Variants in PLAC1 observed in about 807,000 individuals in gnomAD.
PLAC1 encodes placenta-specific protein 1.
For missense variants in PLAC1, 136 were observed against 163.2 expected (o/e 0.83, Z 0.91); for synonymous variants, 68 against 62.1 (o/e 1.09, Z -0.44).
chrX:134,649,556 C>T (rs761225348), intron 1 of PLAC1, among the ~76,000 whole-genome samples: 4 of 111,085 alleles, frequency 3.6e-5, no homozygotes, highest in African/African-American at 1.3e-4. Context: ...GAGGCCAGCA[C>T]GCCACTGACT....
chrX:134,657,564 G>GT (rs754197875), intron 1 of PLAC1, among the ~76,000 whole-genome samples: 5 of 112,226 alleles, frequency 4.5e-5, no homozygotes, highest in Non-Finnish European at 9.4e-5. Flanking sequence ...AGAAGGACAA[G>GT]TTATTAGAGC....
intron 1 of PLAC1, among the ~76,000 whole-genome samples, chrX:134,750,802 C>CAAA (rs748923622): frequency 0.011 from 108 of 9,969 alleles, 26 homozygotes; most frequent in African/African-American, 0.062. Context: ...AATAAAAATA[C>CAAA]AAAAAAAAAA....
At chrX:134,571,653 C>A (rs1003660067) in intron 2 of PLAC1, among the ~76,000 whole-genome samples, 1 of 111,361 alleles carries the variant, frequency 9.0e-6, no homozygotes, top group Non-Finnish European at 1.9e-5. Flanking sequence ...CTCAGGACCC[C>A]AAAAAAATCC....
intron 2 of PLAC1, among the ~76,000 whole-genome samples, chrX:134,717,122 T>G (rs2147836572): frequency 8.9e-6 from 1 of 111,949 alleles, no homozygotes; most frequent in African/African-American, 3.2e-5. Context: ...TCTAAGGCCT[T>G]CTATGGGTAA....
chrX:134,647,465 A>C (rs1478545864), intron 1 of PLAC1, among the ~76,000 whole-genome samples: 1 of 104,411 alleles, frequency 9.6e-6, no homozygotes, highest in East Asian at 3.0e-4. Flanking sequence ...AGGGGTCCCG[A>C]GTGTCCCCCA....
chrX:134,613,234 A>G (rs2124400044), intron 1 of PLAC1, among the ~76,000 whole-genome samples: 1 of 111,423 alleles, frequency 9.0e-6, no homozygotes, highest in East Asian at 2.8e-4. Flanking sequence ...ACCCCTTTGC[A>G]GATTTCCCTT....
chrX:134,655,799 C>T lies in PLAC1; in HGVS notation c.-131+2529G>A, dbSNP rs373648040. 9.8e-5 allele frequency among the ~76,000 whole-genome samples: 11 copies of T among 112,111 alleles called. No homozygotes were observed. In the South Asian group the frequency reaches 4.1e-3, roughly 41 times the overall value. The stretch of plus-strand genomic sequence containing the variant: ...TAATAGCAATAATAATAAAAGAAAC[C>T]AGGCTCTGTTTTATATAAACAGCAA... On this transcript the variant is annotated intron_variant, in intron 1 of 2. Transcript: ENST00000359237.
At chrX:134,584,722 T>C (rs2124366141) in intron 2 of PLAC1, among the ~76,000 whole-genome samples, 1 of 111,882 alleles carries the variant, frequency 8.9e-6, no homozygotes, top group South Asian at 3.9e-4. Context: ...TGGCTTTTCC[T>C]GGGTGTTAAA....
intron 1 of PLAC1, among the ~76,000 whole-genome samples, chrX:134,631,445 A>G (rs1308143857): frequency 8.9e-6 from 1 of 112,080 alleles, no homozygotes; most frequent in Non-Finnish European, 1.9e-5. Flanking sequence ...CTCTTGAAAA[A>G]GGTCACTCTC....
chrX:134,717,041 C>T (rs950163094), intron 2 of PLAC1, among the ~76,000 whole-genome samples: 7 of 111,841 alleles, frequency 6.3e-5, no homozygotes, highest in Non-Finnish European at 1.3e-4. Flanking sequence ...AAGCAACTGG[C>T]CCAGGCTGCT....
chrX:134,590,014 T>A (rs186072617), intron 2 of PLAC1, among the ~76,000 whole-genome samples: 1 of 86,433 alleles, frequency 1.2e-5, no homozygotes, highest in Non-Finnish European at 2.3e-5. Flanking sequence ...GCTAACATGG[T>A]GAAAACCCAT....
chrX:134,591,581 G>C (rs1487514397), intron 2 of PLAC1, among the ~76,000 whole-genome samples: 1 of 112,561 alleles, frequency 8.9e-6, no homozygotes, highest in Non-Finnish European at 1.9e-5. Context: ...GTTTTTTGCT[G>C]TTAACAAATA....
intron 1 of PLAC1, among the ~76,000 whole-genome samples, chrX:134,657,768 T>A (rs2078399273): frequency 9.0e-6 from 1 of 110,575 alleles, no homozygotes; most frequent in South Asian, 4.1e-4. Flanking sequence ...GGATTTAGGG[T>A]CCCTGTCTCT....
At chrX:134,740,124 C>T (rs10127317) in intron 1 of PLAC1, among the ~76,000 whole-genome samples, 3,586 of 110,568 alleles carry the variant, frequency 0.032, 39 homozygotes, top group Middle Eastern at 0.047. Context: ...TCAAGACCAA[C>T]CTGACCAACA....
In PLAC1 at chrX:134,565,853, AATTTT is replaced by A. The variant is rs1223802125; in HGVS notation, c.*186_*190del. Reference sequence around the variant, plus strand: ...GCCCAACATATTTTTATGCGATCAGAATTTTATTTTATTTTTTGTTTACACATGAA... The same window carrying A: ...GCCCAACATATTTTTATGCGATCAGAATTTTATTTTTTGTTTACACATGAA... On this transcript the variant is annotated 3_prime_UTR_variant, in exon 3 of 3. Transcript: ENST00000359237. 2.1e-4 allele frequency: 85 copies of A among 401,300 alleles called. No homozygotes were observed. Among genetic ancestry groups the A allele is most frequent in the Non-Finnish European group, 2.9e-4 (69 of 234,864 alleles). The allele number at this position is 401,300 out of a possible 1,213,427, so 33.1% of individuals were successfully genotyped here.
intron 2 of PLAC1, among the ~76,000 whole-genome samples, chrX:134,673,061 G>A (rs1298191377): frequency 8.9e-6 from 1 of 112,246 alleles, no homozygotes; most frequent in African/African-American, 3.2e-5. Context: ...CAGGGGAAAA[G>A]GTGAGAAAGA....
intron 1 of PLAC1, among the ~76,000 whole-genome samples, chrX:134,746,961 T>G (rs1322036193): frequency 8.9e-6 from 1 of 112,141 alleles, no homozygotes; most frequent in East Asian, 2.8e-4. Context: ...GCTACAGGGT[T>G]TCACTAAGGG....
intron 2 of PLAC1, among the ~76,000 whole-genome samples, chrX:134,691,359 G>A (rs1602913183): frequency 9.0e-6 from 1 of 110,654 alleles, no homozygotes; most frequent in Non-Finnish European, 1.9e-5. Flanking sequence ...CAACCCAGAT[G>A]GAACAAATGA....
At chrX:134,661,131 C>T (rs1029672559), upstream of PLAC1, among the ~76,000 whole-genome samples, 1 of 111,342 alleles carries the variant, frequency 9.0e-6, no homozygotes, top group African/African-American at 3.3e-5. Flanking sequence ...GGGTGTTCTA[C>T]TTCTTTTTGC....
Sources: gnomAD v4.1 joint callset for allele counts (sites outside exome capture counted in the v4.1 genomes callset) on GRCh38, gnomAD v4.1.1 for gene constraint, MANE v1.5 for transcripts, NCBI Gene and HGNC (gene_info 2026-07-23, HGNC 2026-07-21) for gene names.